Variants in PEX5L observed in about 807,000 individuals in gnomAD.
The protein encoded by PEX5L is PEX5-related protein.
Under a neutral mutation model 84.0 loss-of-function variants are expected in PEX5L, and 30 were observed. That is an observed-to-expected ratio of 0.36 (90% CI 0.27 to 0.48). PEX5L has a LOEUF of 0.48. Ranked by LOEUF, PEX5L falls within the 20% of genes least tolerant of loss-of-function variation. The pLI, the probability that PEX5L is intolerant of heterozygous loss-of-function variation, is 0.99. For missense variants in PEX5L, 533 were observed against 754.6 expected (o/e 0.71, Z 3.44); for synonymous variants, 270 against 283.1 (o/e 0.95, Z 0.46).
intron 2 of PEX5L, chr3:179,900,660 A>G: frequency 6.5e-7 from 1 of 1,528,704 alleles, no homozygotes; most frequent in Non-Finnish European, 8.8e-7. Context: ...TTCTTGCAGA[A>G]AAAACCCACC....
intron 2 of PEX5L, among the ~76,000 whole-genome samples, chr3:179,902,487 G>A (rs1761734490): frequency 1.3e-5 from 2 of 152,152 alleles, no homozygotes; most frequent in Admixed American, 6.5e-5. Flanking sequence ...TCACAAGCAC[G>A]TTTCTAACAA....
chr3:179,888,532 T>C (rs1416029368), intron 3 of PEX5L, among the ~76,000 whole-genome samples: 36 of 152,162 alleles, frequency 2.4e-4, no homozygotes, highest in Admixed American at 2.4e-3. Flanking sequence ...GCAACCACTA[T>C]TTACTTTCAA....
At chr3:179,869,925 C>T (rs925629793) in intron 7 of PEX5L, among the ~76,000 whole-genome samples, 1 of 152,108 alleles carries the variant, frequency 6.6e-6, no homozygotes, top group Non-Finnish European at 1.5e-5. Flanking sequence ...TAAGTTCAGC[C>T]TAAAGATTTC....
intron 8 of PEX5L, among the ~76,000 whole-genome samples, chr3:179,843,040 T>C (rs1421513687): frequency 6.6e-6 from 1 of 151,546 alleles, no homozygotes; most frequent in African/African-American, 2.4e-5. Flanking sequence ...AAATTTAGAG[T>C]AGACATAAAG....
At chr3:180,023,570 C>T (rs1210095167) in intron 1 of PEX5L, among the ~76,000 whole-genome samples, 1 of 152,060 alleles carries the variant, frequency 6.6e-6, no homozygotes, top group Non-Finnish European at 1.5e-5. Flanking sequence ...ACCAAGCACT[C>T]ACAGATGTAT....
chr3:179,953,177 G>A (rs7645348), intron 2 of PEX5L, among the ~76,000 whole-genome samples: 109,819 of 152,042 alleles, frequency 0.72, 40,351 homozygotes, highest in East Asian at 0.89. Context: ...AATACCATTC[G>A]GGACATAGGC....
intron 2 of PEX5L, among the ~76,000 whole-genome samples, chr3:179,942,944 G>A (rs917881170): frequency 6.6e-5 from 10 of 152,240 alleles, no homozygotes; most frequent in African/African-American, 1.9e-4. Context: ...TATGGGCTAT[G>A]TGTCCTCCAG....
chr3:179,810,042 C>T (rs1470175215), intron 11 of PEX5L, among the ~76,000 whole-genome samples: 3 of 111,160 alleles, frequency 2.7e-5, no homozygotes, highest in African/African-American at 3.4e-5. Context: ...TAGACAGAGT[C>T]TCACTCTGTC....
intron 7 of PEX5L, among the ~76,000 whole-genome samples, chr3:179,873,395 A>C (rs1751033975): frequency 2.0e-5 from 3 of 152,042 alleles, no homozygotes; most frequent in Non-Finnish European, 4.4e-5. Context: ...TATCACACTT[A>C]TTTTCCTTAA....
At chr3:180,029,345 G>A (rs184580751) in intron 1 of PEX5L, among the ~76,000 whole-genome samples, 18 of 152,044 alleles carry the variant, frequency 1.2e-4, no homozygotes, top group Admixed American at 6.5e-4. Flanking sequence ...CCAAACAAAC[G>A]AATTGTTTTG....
At chr3:180,013,582 G>C (rs779232056) in intron 1 of PEX5L, among the ~76,000 whole-genome samples, 23 of 152,034 alleles carry the variant, frequency 1.5e-4, no homozygotes, top group Non-Finnish European at 2.2e-4. Flanking sequence ...CTATGGCTTG[G>C]AACTACAAAA....
intron 8 of PEX5L, among the ~76,000 whole-genome samples, chr3:179,837,565 C>G (rs1295986002): frequency 6.6e-6 from 1 of 152,198 alleles, no homozygotes; most frequent in Non-Finnish European, 1.5e-5. Context: ...CTTTAGTCCA[C>G]CCGGTGGCTA....
rs527688142 is a variant in PEX5L, at chr3:180,002,035, A to G, written c.22-30370T>C. 4.1e-4 allele frequency among the ~76,000 whole-genome samples: 63 copies of G among 152,300 alleles called. No individual in the cohort carries two copies. In the South Asian group the frequency reaches 6.6e-3, roughly 16 times the overall value. ...TTTTTCATCTCTCAACTATACTTCA[A>G]GAACAACCACCTAAATCCATCTTCA... On this transcript the variant is annotated intron_variant, in intron 1 of 14. Transcript: ENST00000467460.
intron 1 of PEX5L, among the ~76,000 whole-genome samples, chr3:180,035,537 T>C (rs1353037923): frequency 2.0e-5 from 3 of 152,206 alleles, no homozygotes; most frequent in Non-Finnish European, 4.4e-5. Flanking sequence ...AAAAATGGAT[T>C]ATAGTCCAAA....
rs185934845 is a variant in PEX5L, at chr3:179,825,160, G to A, written c.823-5184C>T. ...GAGTAACCCTGCTGATGAAGAATGG[G>A]TAAAGGAGCAACTCACCTGCTAACA... On this transcript the variant is annotated intron_variant, in intron 8 of 14. Coordinates refer to ENST00000467460, the MANE Select transcript of PEX5L (RefSeq NM_016559.3). Among the ~76,000 whole-genome samples, 5 of 152,292 alleles carry A rather than the reference G, an allele frequency of 3.3e-5. No homozygotes were observed. In the East Asian group the frequency reaches 7.7e-4, roughly 23 times the overall value.
intron 2 of PEX5L, among the ~76,000 whole-genome samples, chr3:179,903,923 T>G (rs1762268470): frequency 6.6e-6 from 1 of 152,198 alleles, no homozygotes; most frequent in African/African-American, 2.4e-5. Flanking sequence ...TTCTAAACAT[T>G]CTGAAAGAAG....
chr3:179,821,998 CT>C (rs1414978254), intron 8 of PEX5L, among the ~76,000 whole-genome samples: 4 of 152,202 alleles, frequency 2.6e-5, no homozygotes, highest in Admixed American at 2.6e-4. Flanking sequence ...AATATCTTTC[CT>C]TTTTTTAATA....
Position 179,971,658 on chromosome 3 carries a change from T to C in PEX5L, c.29A>G (p.Lys10Arg). 1 of 1,601,950 alleles carries C rather than the reference T, an allele frequency of 6.2e-7. No individual in the cohort carries two copies. The highest frequency in any genetic ancestry group is 8.5e-7 in the Non-Finnish European group (1 of 1,174,702). Reference sequence around the variant, plus strand: ...GCTTAGTTTTCCATATCCTTGTTCTTTACTTTTCTTGTGAAAGAATAATTT... The same window carrying C: ...GCTTAGTTTTCCATATCCTTGTTCTCTACTTTTCTTGTGAAAGAATAATTT... MYQGHMQKS[K>R]EQGYGKLSSD... The change falls in exon 2 of 15, where the codon AAA becomes AGA. Residue 10 changes from lysine to arginine, a missense_variant. By Grantham distance (26) the Lys-to-Arg change is conservative (BLOSUM62 2). Coordinates refer to ENST00000467460, the MANE Select transcript of PEX5L (RefSeq NM_016559.3).
chr3:179,799,613 T>C lies in PEX5L; in HGVS notation c.*2215A>G, dbSNP rs1282059003. The C allele has an allele frequency of 6.6e-6, 1 of 152,252 alleles. No individual in the cohort carries two copies. Among genetic ancestry groups the C allele is most frequent in the African/African-American group, 2.4e-5 (1 of 41,484 alleles). 9.4% of individuals were successfully genotyped at this position (152,252 alleles called of 1,614,324 possible). ...GGCATCACAGAACACTTACAAAGTT[T>C]GCTTTGAATCCTTTGTTCAGAGGCT... On this transcript the variant is annotated 3_prime_UTR_variant, in exon 15 of 15. Coordinates refer to ENST00000467460, the MANE Select transcript of PEX5L (RefSeq NM_016559.3).
Sources: gnomAD v4.1 joint callset for allele counts (sites outside exome capture counted in the v4.1 genomes callset) on GRCh38, gnomAD v4.1.1 for gene constraint, MANE v1.5 for transcripts, NCBI Gene and HGNC (gene_info 2026-07-23, HGNC 2026-07-21) for gene names.